The following MACF1 variants were observed in gnomAD, a reference collection of about 807,000 sequenced individuals.
MACF1 encodes microtubule-actin cross-linking factor 1.
A neutral mutation model predicts 854.8 loss-of-function variants in MACF1; 193 were observed. That is an observed-to-expected ratio of 0.23 (90% CI 0.20 to 0.25). The LOEUF is 0.25. Ranked by LOEUF, MACF1 falls within the 10% of genes least tolerant of loss-of-function variation. The pLI, the probability that MACF1 is intolerant of heterozygous loss-of-function variation, is 1.00. For synonymous variants in MACF1, 3,185 were observed against 3,226.7 expected (o/e 0.99, Z 0.44); for missense variants, 7,722 against 8,929.1 (o/e 0.86, Z 5.45).
At chr1:39,439,088 A>T (rs907405746) in intron 71 of MACF1, among the ~76,000 whole-genome samples, 186 bp from the exon 72 acceptor site, 22 of 151,786 alleles carry the variant, frequency 1.4e-4, no homozygotes, top group African/African-American at 5.3e-4. Context: ...TGTCTCCAAA[A>T]AAAAAAAAAA....
At chr1:39,087,291 C>T (rs72634502) in intron 2 of MACF1, among the ~76,000 whole-genome samples, 26,589 of 152,242 alleles carry the variant, frequency 0.17, 2,952 homozygotes, top group Middle Eastern at 0.27. Flanking sequence ...CTGAATCACT[C>T]TCACCAAATA....
intron 49 of MACF1, among the ~76,000 whole-genome samples, chr1:39,362,297 A>C (rs1035319888): frequency 1.3e-5 from 2 of 152,200 alleles, no homozygotes; most frequent in Admixed American, 1.3e-4. Flanking sequence ...GTATCTCTGC[A>C]TTGCTGCCTT....
At chr1:39,163,365 A>AAG (rs1643844226) in intron 2 of MACF1, among the ~76,000 whole-genome samples, 1 of 150,590 alleles carries the variant, frequency 6.6e-6, no homozygotes, top group Non-Finnish European at 1.5e-5. Flanking sequence ...AAAAAAGAAA[A>AAG]GAAAAGAAAA....
In MACF1 at chr1:39,333,685, C is replaced by G; in HGVS notation, c.7097C>G (p.Ala2366Gly). ...DEKLLHNVLM[A>G]DKAISGVLDP... The stretch of plus-strand genomic sequence containing the variant: ...AAATTATTACATAATGTCCTCATGG[C>G]AGACAAAGCTATAAGTGGTGTCTTA... Residue 2366 changes from alanine to glycine, a missense_variant, in exon 37 of 101, where the codon GCA (alanine) becomes GGA (glycine). Transcript: ENST00000564288. 1 of 1,614,164 alleles carries G rather than the reference C, an allele frequency of 6.2e-7. No homozygotes were observed.
At chr1:39,156,438 G>T (rs1317456850) in intron 2 of MACF1, among the ~76,000 whole-genome samples, 1 of 152,190 alleles carries the variant, frequency 6.6e-6, no homozygotes, top group African/African-American at 2.4e-5. Flanking sequence ...GGGCAACATG[G>T]TGAAACACTG....
chr1:39,463,713 G>C lies in MACF1; in HGVS notation c.21753+27G>C, dbSNP rs574727065. ...TAAGGAAGAGAAAAAGCAGTCCTTT[G>C]TTGTGGTGGTTTCTCATATGTGGCT... On this transcript the variant is annotated intron_variant, in intron 94 of 100. Coordinates refer to ENST00000564288, the MANE Select transcript of MACF1 (RefSeq NM_001394062.1). 2.9e-5 allele frequency: 46 copies of C among 1,598,498 alleles called. No homozygotes were observed. In the South Asian group the frequency reaches 4.8e-4, roughly 17 times the overall value.
In MACF1 at chr1:39,285,181, A is replaced by G; in HGVS notation, c.1230A>G (p.Arg410=). 1 of 1,614,240 alleles carries G rather than the reference A, an allele frequency of 6.2e-7. No individual in the cohort carries two copies. Among genetic ancestry groups the G allele is most frequent in the South Asian group, 1.1e-5 (1 of 91,084 alleles). ...WGKLIIEMLE[R]EKSLRPAVER... ...AGCTCATCATAGAGATGCTGGAACGAGAGAAATCACTTCGGCCGGCTGTGG... is the reference window on the plus strand; with the variant it reads ...AGCTCATCATAGAGATGCTGGAACGGGAGAAATCACTTCGGCCGGCTGTGG... Residue 410 remains arginine (R), a synonymous_variant, in exon 12 of 101, where the codon CGA becomes CGG. Transcript: ENST00000564288.
intron 99 of MACF1, among the ~76,000 whole-genome samples, 168 bp downstream of exon 99, chr1:39,481,198 A>G (rs1212895005): frequency 6.6e-6 from 1 of 152,238 alleles, no homozygotes; most frequent in Non-Finnish European, 1.5e-5. Context: ...TCTAACTCGG[A>G]TTCACCAAAA....
chr1:39,203,871 G>A (rs977307306), upstream of MACF1, among the ~76,000 whole-genome samples: 4 of 152,178 alleles, frequency 2.6e-5, no homozygotes, highest in African/African-American at 9.7e-5. Flanking sequence ...GTTGTTTCCA[G>A]TTTTTTATAT....
chr1:39,454,122 A>G (rs1057318207), intron 88 of MACF1, among the ~76,000 whole-genome samples: 1 of 152,218 alleles, frequency 6.6e-6, no homozygotes, highest in Non-Finnish European at 1.5e-5. Context: ...CAGGATGTAC[A>G]GCTGACCCTT....
chr1:39,394,256 TTG>T (rs1642183402), intron 58 of MACF1, among the ~76,000 whole-genome samples: 2 of 148,570 alleles, frequency 1.3e-5, no homozygotes. Flanking sequence ...GATTGATTGA[TTG>T]ATTGATTGAT....
At chr1:39,223,788 A>G (rs952919334) in intron 1 of MACF1, among the ~76,000 whole-genome samples, 1 of 152,156 alleles carries the variant, frequency 6.6e-6, no homozygotes, top group Non-Finnish European at 1.5e-5. Context: ...AAGTGCTGGG[A>G]TTACAGGTGG....
At chr1:39,090,269 G>A (rs1641771753) in intron 2 of MACF1, among the ~76,000 whole-genome samples, 1 of 152,194 alleles carries the variant, frequency 6.6e-6, no homozygotes, top group South Asian at 2.1e-4. Context: ...CTTCTTCCTG[G>A]CAGTGTCCTC....
At position 39,336,246 on chromosome 1, in the gene MACF1, A is replaced by G. The variant is rs1230729952; in HGVS notation, c.9658A>G (p.Lys3220Glu). Residue 3220 changes from lysine to glutamate, a missense_variant, in exon 37 of 101, where the codon AAA becomes GAA. Lys to Glu is a moderately conservative substitution (Grantham distance 56, BLOSUM62 1). Coordinates refer to ENST00000564288, the MANE Select transcript of MACF1 (RefSeq NM_001394062.1). ...TCATCAGGGCAGCAAAAGTGATGAT[A>G]AACTTTGTGGAACTCTCAAATCTGA... ...LHHQGSKSDD[K>E]LCGTLKSEIA... 6.2e-7 allele frequency: 1 copy of G among 1,614,146 alleles called. No individual in the cohort carries two copies. Among genetic ancestry groups the G allele is most frequent in the Admixed American group, 1.7e-5 (1 of 60,012 alleles).
chr1:39,435,699 A>G lies in MACF1; in HGVS notation c.17926A>G (p.Ile5976Val), dbSNP rs1557653433. ...GAAAGCAGAAAACATGTATGCCCAA[A>G]TAAAGGAGGAGGTGCGCCAGCGAGC... ...YQKAENMYAQ[I>V]KEEVRQRALA... is the part of the protein sequence containing the mutation. The change falls in exon 70 of 101, where the codon ATA (isoleucine) becomes GTA (valine). Residue 5976 changes from isoleucine (I) to valine (V), a missense_variant. This residue lies in a region of MACF1 where 2,807 missense variants were observed against 3,235.8 expected (regional missense o/e 0.87). Transcript: ENST00000564288. 1 of 1,614,212 alleles carries G rather than the reference A, an allele frequency of 6.2e-7. No individual in the cohort carries two copies.
chr1:39,189,388 TCTTA>T (rs1335004316), intron 2 of MACF1, among the ~76,000 whole-genome samples: 2 of 152,256 alleles, frequency 1.3e-5, no homozygotes, highest in Admixed American at 1.3e-4. Flanking sequence ...ATTTTAATTC[TCTTA>T]CTGTCACTTT....
Position 39,136,605 on chromosome 1 carries a change from C to T in MACF1, c.220+52167C>T, listed in dbSNP as rs578017533. The stretch of plus-strand genomic sequence containing the variant: ...CACCCCCCTGTGCAAATTGGCCTAC[C>T]CTCATATTACCTGCTTTTGTACCTC... On this transcript the variant is annotated intron_variant, in intron 2 of 93. Coordinates refer to the MACF1 transcript ENST00000361689. Among the ~76,000 whole-genome samples, 15 of 152,254 alleles carry T rather than the reference C, an allele frequency of 9.9e-5. No homozygotes were observed. In the South Asian group the frequency reaches 2.7e-3, roughly 27 times the overall value.
intron 2 of MACF1, among the ~76,000 whole-genome samples, chr1:39,150,820 TC>T (rs2148195603): frequency 6.6e-6 from 1 of 152,328 alleles, no homozygotes; most frequent in Non-Finnish European, 1.5e-5. Context: ...GATTTTATCC[TC>T]TCCTGATTTT....
chr1:39,369,605 T>A (rs1329782715), intron 50 of MACF1, among the ~76,000 whole-genome samples: 1 of 152,230 alleles, frequency 6.6e-6, no homozygotes, highest in Non-Finnish European at 1.5e-5. Context: ...ATCACCTAAC[T>A]TCTGTGAGCC....
Sources: allele counts gnomAD v4.1 joint callset (sites outside exome capture counted in the v4.1 genomes callset), GRCh38; gene constraint gnomAD v4.1.1; regional missense constraint gnomAD v4.1.1; transcripts MANE v1.5; gene names NCBI Gene and HGNC (gene_info 2026-07-23, HGNC 2026-07-21).